The following RGPD4 variants were observed in gnomAD, a reference collection of about 807,000 sequenced individuals.
RGPD4 encodes the protein ranBP2-like and GRIP domain-containing protein 4.
Under a neutral mutation model 141.1 loss-of-function variants are expected in RGPD4, and 84 were observed. The observed-to-expected ratio is 0.60, with a 90% CI of 0.50 to 0.71. The LOEUF (loss-of-function observed/expected upper bound fraction) is 0.71, where lower values mean the gene tolerates loss of function less well. Ranked by LOEUF, RGPD4 falls within the 30% of genes least tolerant of loss-of-function variation. The pLI is 0.00. For synonymous variants in RGPD4, 298 were observed against 566.8 expected, an observed-to-expected ratio of 0.53 and a Z score of 6.74; for missense variants, 918 against 1,622.4, an observed-to-expected ratio of 0.57 and a Z score of 7.46.
Position 107,879,986 on chromosome 2 carries a change from C to T in RGPD4, c.4943C>T (p.Ala1648Val), listed in dbSNP as rs2104514058. ...TPEKEPPLWH[A>V]EFTKEELVQK... ...GTTGCAGAGCCTCCATTATGGCATG[C>T]TGAATTTACCAAAGAAGAATTGGTT... Residue 1648 changes from alanine to valine, a missense_variant, in exon 21 of 23, where the codon GCT (alanine) becomes GTT (valine). Physicochemically the swap from Ala to Val is moderately conservative, Grantham distance 64 (BLOSUM62 0). Coordinates refer to ENST00000408999, the MANE Select transcript of RGPD4 (RefSeq NM_182588.3). 6.2e-7 allele frequency: 1 copy of T among 1,611,206 alleles called. No homozygotes were observed. The highest frequency in any genetic ancestry group is 2.3e-4 in the Middle Eastern group (1 of 4,430).
rs748590703 is a variant in RGPD4 at position 107,871,232 on chromosome 2, G to A, written c.3228G>A (p.Gln1076=). 1.9e-6 allele frequency: 3 copies of A among 1,609,424 alleles called. No homozygotes were observed. Among genetic ancestry groups the A allele is most frequent in the South Asian group, 2.2e-5 (2 of 90,868 alleles). Residue 1076 remains glutamine, a synonymous_variant, in exon 20 of 23, where the codon CAG becomes CAA. Transcript: ENST00000408999. ...KLFRFDAEVR[Q]WKERGLGNLK... ...TTAGATTTGATGCTGAGGTAAGGCA[G>A]TGGAAAGAAAGGGGCTTGGGGAACT...
chr2:107,887,262 A>C (rs1201069295), intron 22 of RGPD4, among the ~76,000 whole-genome samples: 2 of 152,158 alleles, frequency 1.3e-5, no homozygotes, highest in Non-Finnish European at 2.9e-5. Flanking sequence ...TCTTTAAAAA[A>C]AATTAAGAAA....
At chr2:107,856,085 A>T (rs1682298528) in intron 8 of RGPD4, among the ~76,000 whole-genome samples, 1 of 128,268 alleles carries the variant, frequency 7.8e-6, no homozygotes, top group African/African-American at 3.4e-5. Flanking sequence ...AGACAGTCTT[A>T]CTCTGTCGCC....
chr2:107,844,830 G>GTTTT (rs1222283120), intron 6 of RGPD4, among the ~76,000 whole-genome samples: 419 of 26,200 alleles, frequency 0.016, 21 homozygotes, highest in African/African-American at 0.026. Context: ...TTTCTTTTTT[G>GTTTT]TTTTTTTTTT....
At position 107,872,016 on chromosome 2, in the gene RGPD4, G is replaced by C. The variant is rs544448990; in HGVS notation, c.4012G>C (p.Val1338Leu). 4.2e-4 allele frequency: 684 copies of C among 1,611,368 alleles called. 18 individuals are homozygous for C. The African/African-American group carries it at 8.2e-3, about 19-fold the overall frequency. The change falls in exon 20 of 23, where the codon GTT becomes CTT. Residue 1338 changes from valine (V) to leucine (L), a missense_variant. By Grantham distance (32) the Val-to-Leu change is conservative. Coordinates refer to ENST00000408999, the MANE Select transcript of RGPD4 (RefSeq NM_182588.3). ...GAGAGATGGACAGTACTTTGAACCT[G>C]TTGTTCCTTTACCTGATCTAGTTGA... ...EERDGQYFEP[V>L]VPLPDLVEVS...
At chr2:107,877,671 CCTCTA>C (rs1683127273) in intron 20 of RGPD4, among the ~76,000 whole-genome samples, 2 of 151,054 alleles carry the variant, frequency 1.3e-5, no homozygotes, top group East Asian at 3.9e-4. Flanking sequence ...GTAGTTTGGC[CCTCTA>C]CTCTAAATTA....
rs1306014494 is a variant in RGPD4 at position 107,890,910 on chromosome 2, T to C, written c.*179T>C. On this transcript the variant is annotated 3_prime_UTR_variant, in exon 23 of 23. Transcript: ENST00000408999. ...ATATGTTTGCATTTACATATATTTG[T>C]ACATCTATATGACAGATGTATTTTA... 3 of 658,652 alleles carry C rather than the reference T, an allele frequency of 4.6e-6. No homozygotes were observed. The highest frequency in any genetic ancestry group is 7.9e-6 in the Non-Finnish European group (3 of 379,838). The allele number at this position is 658,652 out of a possible 1,614,324, so 40.8% of individuals were successfully genotyped here.
chr2:107,865,442 G>T (rs1412106485), intron 17 of RGPD4, among the ~76,000 whole-genome samples: 5 of 142,248 alleles, frequency 3.5e-5, no homozygotes, highest in Non-Finnish European at 6.1e-5. Flanking sequence ...AGTCCAGATT[G>T]CAGTGTAGAA....
At chr2:107,845,127 G>A (rs2104422247) in intron 6 of RGPD4, among the ~76,000 whole-genome samples, 1 of 138,258 alleles carries the variant, frequency 7.2e-6, no homozygotes, top group South Asian at 2.4e-4. Context: ...TGCAACCTCT[G>A]CCTCCTGGGT....
At chr2:107,829,720 C>T (rs1439793608) in intron 1 of RGPD4, among the ~76,000 whole-genome samples, 5 of 152,106 alleles carry the variant, frequency 3.3e-5, no homozygotes, top group African/African-American at 2.4e-5. Flanking sequence ...TTGGCGCCGG[C>T]GCTTCCTCTT....
Position 107,831,725 on chromosome 2 carries a change from A to C in RGPD4, c.72+4640A>C, listed in dbSNP as rs2919215. Among the ~76,000 whole-genome samples, 457 of 146,628 alleles carry C rather than the reference A, an allele frequency of 3.1e-3. 1 individual carries two copies. The highest frequency in any genetic ancestry group is 0.011 in the African/African-American group (419 of 39,182). On this transcript the variant is annotated intron_variant, in intron 1 of 22. Coordinates refer to ENST00000408999, the MANE Select transcript of RGPD4 (RefSeq NM_182588.3). Reference sequence around the variant, plus strand: ...AGCTGGGACTACAGGCACCCGCCACAACACCCGGCTAATTTTTTAGTGTTT... The same window carrying C: ...AGCTGGGACTACAGGCACCCGCCACCACACCCGGCTAATTTTTTAGTGTTT...
chr2:107,845,123 C>T (rs1000203318), intron 6 of RGPD4, among the ~76,000 whole-genome samples: 3 of 143,822 alleles, frequency 2.1e-5, no homozygotes, highest in African/African-American at 7.8e-5. Flanking sequence ...TCACTGCAAC[C>T]TCTGCCTCCT....
chr2:107,882,365 G>A (rs2261430), intron 21 of RGPD4, among the ~76,000 whole-genome samples: 1 of 151,874 alleles, frequency 6.6e-6, no homozygotes, highest in Non-Finnish European at 1.5e-5. Context: ...GCTTAGGACA[G>A]TGGAGTCCTA....
chr2:107,865,993 C>T (rs1682716410), intron 17 of RGPD4, among the ~76,000 whole-genome samples, 197 bp from the exon 18 acceptor site: 1 of 88,986 alleles, frequency 1.1e-5, no homozygotes, highest in South Asian at 4.0e-4. Context: ...TTGCTTGAGC[C>T]CAGGAGGTGG....
Position 107,859,464 on chromosome 2 carries a change from G to T in RGPD4, c.1544G>T (p.Cys515Phe). 1 of 1,611,104 alleles carries T rather than the reference G, an allele frequency of 6.2e-7. No individual in the cohort carries two copies. ...NSHHSSYQPL[C>F]LPLPVCKQLC... Reference sequence around the variant, plus strand: ...CACCACAGCTCCTATCAGCCGTTATGCCTGCCCCTTCCTGTATGTAAACAG... The same window carrying T: ...CACCACAGCTCCTATCAGCCGTTATTCCTGCCCCTTCCTGTATGTAAACAG... The change falls in exon 11 of 23, where the codon TGC becomes TTC. Residue 515 changes from cysteine to phenylalanine, a missense_variant. Physicochemically the swap from Cys to Phe is radical, Grantham distance 205. Coordinates refer to ENST00000408999, the MANE Select transcript of RGPD4 (RefSeq NM_182588.3).
intron 9 of RGPD4, among the ~76,000 whole-genome samples, chr2:107,858,002 G>T (rs1238700290): frequency 1.3e-5 from 2 of 151,942 alleles, no homozygotes; most frequent in Non-Finnish European, 1.5e-5. Context: ...AACAAAAAGT[G>T]TTGGAATTAT....
At chr2:107,876,570 T>G (rs1390028339) in intron 20 of RGPD4, among the ~76,000 whole-genome samples, 1 of 151,036 alleles carries the variant, frequency 6.6e-6, no homozygotes, top group African/African-American at 2.4e-5. Context: ...ACATTTACAA[T>G]TAGTTGGAGT....
chr2:107,874,311 A>G (rs1413914881), intron 20 of RGPD4, among the ~76,000 whole-genome samples: 1 of 150,578 alleles, frequency 6.6e-6, no homozygotes, highest in Non-Finnish European at 1.5e-5. Flanking sequence ...AACAGCCAGC[A>G]TTCTACAGCT....
At chr2:107,827,304 T>C (rs868734493) in intron 1 of RGPD4, among the ~76,000 whole-genome samples, 60 of 130,434 alleles carry the variant, frequency 4.6e-4, no homozygotes, top group African/African-American at 1.8e-3. Context: ...TGGCGCGCTC[T>C]GTTGAGGCGG....
Sources: allele counts gnomAD v4.1 joint callset (sites outside exome capture counted in the v4.1 genomes callset), GRCh38; gene constraint gnomAD v4.1.1; transcripts MANE v1.5; gene names NCBI Gene and HGNC (gene_info 2026-07-23, HGNC 2026-07-21).